Variants in CPEB3 observed in about 807,000 individuals in gnomAD.
The protein encoded by CPEB3 is cytoplasmic polyadenylation element binding protein 3.
CPEB3 carries 20 observed loss-of-function variants against 67.2 expected under a neutral mutation model. The observed-to-expected ratio is 0.30, with a 90% confidence interval of 0.21 to 0.43. CPEB3 has a LOEUF of 0.43. CPEB3 is among the 20% of genes least tolerant of loss of function. The pLI, the probability that CPEB3 is intolerant of heterozygous loss-of-function variation, is 1.00. For synonymous variants in CPEB3, 376 were observed against 393.1 expected, an observed-to-expected ratio of 0.96 and a Z score of 0.51; for missense variants, 746 against 968.6, an observed-to-expected ratio of 0.77 and a Z score of 3.05.
Position 92,239,277 on chromosome 10 carries a change from TAA to T in CPEB3, c.1005+67_1005+68del, listed in dbSNP as rs1394794021. On this transcript the variant is annotated intron_variant, in intron 2 of 9. Coordinates refer to ENST00000265997, the MANE Select transcript of CPEB3 (RefSeq NM_014912.5). The surrounding 1 kb of genome is among the most constrained non-coding windows in gnomAD (Gnocchi z 6.0). ...TTTTAAATATAAGCGGGTGGATGATTAAAAGTCAGAGAAGTGGCAAAAGGAGC... is the reference window on the plus strand; with the variant it reads ...TTTTAAATATAAGCGGGTGGATGATTAAGTCAGAGAAGTGGCAAAAGGAGC... 6 of 1,518,222 alleles carry T rather than the reference TAA, an allele frequency of 4.0e-6. No homozygotes were observed. Among genetic ancestry groups the T allele is most frequent in the Non-Finnish European group, 5.4e-6 (6 of 1,119,258 alleles). 94.0% of individuals were successfully genotyped at this position (1,518,222 alleles called of 1,614,324 possible). A position where few individuals can be genotyped will look rare whatever the true frequency, so the allele number is the denominator to read the frequency against.
chr10:92,266,512 T>A (rs1197581333), intron 1 of CPEB3, among the ~76,000 whole-genome samples: 1 of 152,132 alleles, frequency 6.6e-6, no homozygotes, highest in Non-Finnish European at 1.5e-5. Context: ...GCACCTATTA[T>A]ATGGTGGGCT....
intron 6 of CPEB3, among the ~76,000 whole-genome samples, chr10:92,136,678 A>T (rs1034236973): frequency 2.0e-5 from 3 of 152,016 alleles, no homozygotes; most frequent in African/African-American, 7.2e-5. Context: ...CTCCTGCCTC[A>T]GCCTCCTGAG....
intron 1 of CPEB3, among the ~76,000 whole-genome samples, chr10:92,264,665 G>A (rs553317410): frequency 6.7e-6 from 1 of 148,970 alleles, no homozygotes; most frequent in African/African-American, 2.5e-5. Flanking sequence ...GCAGTGAGCC[G>A]AGATCACGCC....
chr10:92,280,640 A>G (rs1842236998), intron 1 of CPEB3, among the ~76,000 whole-genome samples: 1 of 140,248 alleles, frequency 7.1e-6, no homozygotes, highest in Non-Finnish European at 1.5e-5. Flanking sequence ...CGGTGGTTTC[A>G]GTGGGCCGAG....
chr10:92,056,203 CA>C (rs1312435764), intron 9 of CPEB3, among the ~76,000 whole-genome samples: 1 of 152,036 alleles, frequency 6.6e-6, no homozygotes, highest in Non-Finnish European at 1.5e-5. Flanking sequence ...GAGGCTTGCC[CA>C]AAAACAAGAC....
chr10:92,236,737 G>A lies in CPEB3; in HGVS notation c.1005+2609C>T, dbSNP rs544666658. Among the ~76,000 whole-genome samples, 44 of 147,984 alleles carry A rather than the reference G, an allele frequency of 3.0e-4. 1 individual carries two copies. The highest frequency in any genetic ancestry group is 1.1e-3 in the African/African-American group (44 of 39,730). ...GCACTCCACCCTGAGCAACAAAAGTGAAACATTGTCACACACACACACACA... is the reference window on the plus strand; with the variant it reads ...GCACTCCACCCTGAGCAACAAAAGTAAAACATTGTCACACACACACACACA... On this transcript the variant is annotated intron_variant, in intron 2 of 9. Coordinates refer to ENST00000265997, the MANE Select transcript of CPEB3 (RefSeq NM_014912.5).
At chr10:92,268,727 G>T (rs1344062995) in intron 1 of CPEB3, among the ~76,000 whole-genome samples, 1 of 152,000 alleles carries the variant, frequency 6.6e-6, no homozygotes, top group Non-Finnish European at 1.5e-5. Flanking sequence ...GTACATTTTT[G>T]TATATTTATT....
intron 8 of CPEB3, among the ~76,000 whole-genome samples, chr10:92,085,845 G>C (rs1043238193): frequency 3.3e-5 from 5 of 151,738 alleles, no homozygotes; most frequent in African/African-American, 1.2e-4. Flanking sequence ...CCTGACATCA[G>C]GTAATCCACC....
At chr10:92,238,326 C>T (rs1851638867) in intron 2 of CPEB3, among the ~76,000 whole-genome samples, 2 of 152,202 alleles carry the variant, frequency 1.3e-5, no homozygotes, top group African/African-American at 4.8e-5. Flanking sequence ...CTGCCAATTG[C>T]TATGGCTGTG....
In CPEB3 at chr10:92,197,499, T is replaced by C. The variant is rs767284632; in HGVS notation, c.1006-4863A>G. On this transcript the variant is annotated intron_variant, in intron 2 of 9. Coordinates refer to ENST00000265997, the MANE Select transcript of CPEB3 (RefSeq NM_014912.5). ...GTTAGACCTTTTTTTATAAGTTTTG[T>C]TTCCCAATACAGAGAAACAGGAAAG... Among the ~76,000 whole-genome samples, 5 of 152,314 alleles carry C rather than the reference T, an allele frequency of 3.3e-5. No homozygotes were observed. The East Asian group carries it at 9.6e-4, about 29-fold the overall frequency.
intron 1 of CPEB3, among the ~76,000 whole-genome samples, chr10:92,254,479 A>G (rs775503947): frequency 6.6e-6 from 1 of 152,184 alleles, no homozygotes; most frequent in Non-Finnish European, 1.5e-5. Context: ...CAGGTGAGCT[A>G]GATGTAGCTT....
chr10:92,178,307 C>A (rs533116384), intron 4 of CPEB3, among the ~76,000 whole-genome samples: 1 of 151,916 alleles, frequency 6.6e-6, no homozygotes, highest in Non-Finnish European at 1.5e-5. Context: ...CACAGGCATG[C>A]GCCACCACAC....
chr10:92,251,450 T>C (rs2053890006), intron 1 of CPEB3, among the ~76,000 whole-genome samples: 1 of 152,084 alleles, frequency 6.6e-6, no homozygotes, highest in South Asian at 2.1e-4. Flanking sequence ...TTTAAAGTTA[T>C]TGGAACAGGA....
intron 1 of CPEB3, among the ~76,000 whole-genome samples, chr10:92,262,999 G>T (rs984104046): frequency 2.6e-5 from 4 of 152,070 alleles, no homozygotes; most frequent in Admixed American, 2.6e-4. Flanking sequence ...CAAATTCCTG[G>T]GCTCAAGCAG....
At chr10:92,167,428 T>G (rs1315698209) in intron 4 of CPEB3, among the ~76,000 whole-genome samples, 1 of 152,228 alleles carries the variant, frequency 6.6e-6, no homozygotes, top group Non-Finnish European at 1.5e-5. Context: ...ACTTGAACAT[T>G]TTGAGGCCAT....
At chr10:92,101,304 G>A (rs545608941) in intron 7 of CPEB3, among the ~76,000 whole-genome samples, 2 of 151,858 alleles carry the variant, frequency 1.3e-5, no homozygotes, top group Admixed American at 6.6e-5. Context: ...TTTCAGTACC[G>A]TTCAAACTCA....
In CPEB3 at chr10:92,051,898, T is replaced by A. The variant is rs1841905797; in HGVS notation, c.*314A>T. On this transcript the variant is annotated 3_prime_UTR_variant, in exon 10 of 10. Coordinates refer to ENST00000265997, the MANE Select transcript of CPEB3 (RefSeq NM_014912.5). ...TCACAGACAGTAGCCTGACGGCCGC[T>A]GATGAGAATGGCAGTCTACATACTG... 1 of 234,842 alleles carries A rather than the reference T, an allele frequency of 4.3e-6. No individual in the cohort carries two copies. Among genetic ancestry groups the A allele is most frequent in the Admixed American group, 5.1e-5 (1 of 19,620 alleles). The allele number at this position is 234,842 out of a possible 1,614,324, so 14.5% of individuals were successfully genotyped here. A position where few individuals can be genotyped will look rare whatever the true frequency, so the allele number is the denominator to read the frequency against.
At chr10:92,155,795 G>A (rs762279778) in intron 4 of CPEB3, among the ~76,000 whole-genome samples, 11 of 152,062 alleles carry the variant, frequency 7.2e-5, no homozygotes, top group Non-Finnish European at 1.3e-4. Context: ...AAAGAAGATC[G>A]TGACTTTTGA....
chr10:92,265,494 T>G (rs1853011456), intron 1 of CPEB3, among the ~76,000 whole-genome samples: 1 of 151,858 alleles, frequency 6.6e-6, no homozygotes, highest in African/African-American at 2.4e-5. Flanking sequence ...CGGTGGCTCA[T>G]GCCTGTAATC....
Sources: allele counts gnomAD v4.1 joint callset (sites outside exome capture counted in the v4.1 genomes callset), GRCh38; gene constraint gnomAD v4.1.1; non-coding constraint Gnocchi (gnomAD v3.1); transcripts MANE v1.5; gene names NCBI Gene and HGNC (gene_info 2026-07-23, HGNC 2026-07-21).